The following MSH3 variants were observed in gnomAD, a reference collection of about 807,000 sequenced individuals.
MSH3 encodes mutS homolog 3, also known as DNA mismatch repair protein Msh3.
MSH3 carries 106 observed loss-of-function variants against 123.3 expected under a neutral mutation model. The observed-to-expected ratio is 0.86, with a 90% confidence interval of 0.73 to 1.01. The LOEUF (loss-of-function observed/expected upper bound fraction) is 1.01. Ranked by LOEUF, MSH3 falls within the 50% of genes least tolerant of loss-of-function variation. MSH3 has a pLI of 0.00. For synonymous variants in MSH3, 515 were observed against 481.4 expected (o/e 1.07, Z -0.91); for missense variants, 1,459 against 1,347.6 (o/e 1.08, Z -1.29).
intron 8 of MSH3, among the ~76,000 whole-genome samples, chr5:80,708,407 A>G (rs1225792602): frequency 6.6e-6 from 1 of 152,078 alleles, no homozygotes; most frequent in Non-Finnish European, 1.5e-5. Flanking sequence ...TATGCATTGA[A>G]TTATGTTGAT....
chr5:80,709,393 T>A (rs1012407726), intron 8 of MSH3, among the ~76,000 whole-genome samples: 1 of 152,110 alleles, frequency 6.6e-6, no homozygotes, highest in Non-Finnish European at 1.5e-5. Context: ...GAGGCCAAGG[T>A]GGGCGGATCA....
At chr5:80,847,075 T>C (rs1290404186) in intron 20 of MSH3, among the ~76,000 whole-genome samples, 1 of 152,118 alleles carries the variant, frequency 6.6e-6, no homozygotes, top group Non-Finnish European at 1.5e-5. Flanking sequence ...TGGATTTTTT[T>C]CTGAGACAGA....
intron 20 of MSH3, among the ~76,000 whole-genome samples, chr5:80,850,454 G>A (rs1228876604): frequency 1.3e-5 from 2 of 152,196 alleles, no homozygotes; most frequent in Non-Finnish European, 2.9e-5. Flanking sequence ...AAAGAAAGAG[G>A]TTTACTGGAC....
intron 16 of MSH3, among the ~76,000 whole-genome samples, chr5:80,778,147 A>G (rs1286498714): frequency 6.6e-6 from 1 of 152,240 alleles, no homozygotes; most frequent in African/African-American, 2.4e-5. Flanking sequence ...GATGATACTC[A>G]AGCCCAGATG....
intron 9 of MSH3, among the ~76,000 whole-genome samples, chr5:80,726,762 G>T (rs1054628433): frequency 1.1e-4 from 17 of 152,232 alleles, no homozygotes; most frequent in African/African-American, 4.1e-4. Context: ...GAGCCACTGC[G>T]CCCAGCCAAG....
intron 4 of MSH3, among the ~76,000 whole-genome samples, chr5:80,670,965 T>TA (rs1749711749): frequency 6.6e-6 from 1 of 151,616 alleles, no homozygotes; most frequent in African/African-American, 2.4e-5. Flanking sequence ...ACTAAAAATA[T>TA]TAAAAAAATT....
At chr5:80,805,981 T>C (rs1465455849) in intron 19 of MSH3, among the ~76,000 whole-genome samples, 1 of 152,224 alleles carries the variant, frequency 6.6e-6, no homozygotes, top group Non-Finnish European at 1.5e-5. Flanking sequence ...TTTTGTGCCT[T>C]AAATAGGAAA....
intron 20 of MSH3, among the ~76,000 whole-genome samples, chr5:80,817,806 T>C (rs188232687): frequency 6.6e-6 from 1 of 152,216 alleles, no homozygotes; most frequent in Admixed American, 6.5e-5. Flanking sequence ...CCTGATGTAA[T>C]AACAGATTTA....
chr5:80,857,089 C>T (rs1745932778), intron 21 of MSH3, among the ~76,000 whole-genome samples: 1 of 152,126 alleles, frequency 6.6e-6, no homozygotes, highest in Admixed American at 6.6e-5. Context: ...TCCTAGTTTA[C>T]TGAGAGTTTT....
rs376635676 is a variant in MSH3 at position 80,873,315 on chromosome 5, A to G, written c.3302+28A>G. On this transcript the variant is annotated intron_variant, in intron 23 of 23. Coordinates refer to ENST00000265081, the MANE Select transcript of MSH3 (RefSeq NM_002439.5). ...CAGAGTGATTATGCTGCATTTTTTC[A>G]TTTGTAATGAAACCTTCTAAGTTGT... is the stretch of plus-strand genomic sequence containing the variant. The G allele has an allele frequency of 1.8e-4, 290 of 1,611,676 alleles. No individual in the cohort carries two copies. Among genetic ancestry groups the G allele is most frequent in the Non-Finnish European group, 2.2e-4 (261 of 1,178,498 alleles).
intron 2 of MSH3, among the ~76,000 whole-genome samples, chr5:80,660,386 A>G (rs902089830): frequency 6.6e-6 from 1 of 152,170 alleles, no homozygotes; most frequent in Non-Finnish European, 1.5e-5. Flanking sequence ...ACTGGCTCCC[A>G]TGATTCCTCC....
intron 8 of MSH3, chr5:80,715,252 A>C (rs970567007): frequency 6.6e-6 from 1 of 152,104 alleles, no homozygotes; most frequent in Non-Finnish European, 1.5e-5. Context: ...TATACTAGGC[A>C]CTGTTCCAGG....
intron 13 of MSH3, among the ~76,000 whole-genome samples, chr5:80,765,726 G>A (rs1744110684): frequency 6.6e-6 from 1 of 152,110 alleles, no homozygotes; most frequent in Admixed American, 6.5e-5. Context: ...TACTATCTTA[G>A]ATTCCCTTTA....
At chr5:80,676,028 TTTTA>T (rs1177191625) in intron 7 of MSH3, among the ~76,000 whole-genome samples, 1 of 152,130 alleles carries the variant, frequency 6.6e-6, no homozygotes, top group Non-Finnish European at 1.5e-5. Context: ...TGAATTATAG[TTTTA>T]TTTATTTATT....
chr5:80,876,035 T>C lies in MSH3; in HGVS notation c.*173T>C. ...CTGAAGACAGTCTTTTTCAAGTTTC[T>C]GTCTTCCTAACTTTTCTACGTATAA... On this transcript the variant is annotated 3_prime_UTR_variant, in exon 24 of 24. Coordinates refer to ENST00000265081, the MANE Select transcript of MSH3 (RefSeq NM_002439.5). The C allele has an allele frequency of 1.6e-6, 1 of 609,928 alleles. No individual in the cohort carries two copies. The highest frequency in any genetic ancestry group is 2.0e-5 in the South Asian group (1 of 50,068). The allele number at this position is 609,928 out of a possible 1,614,324, so 37.8% of individuals were successfully genotyped here.
chr5:80,786,006 G>C (rs549193326), intron 17 of MSH3, among the ~76,000 whole-genome samples: 20 of 151,454 alleles, frequency 1.3e-4, no homozygotes, highest in Admixed American at 1.2e-3. Context: ...TGGGGGGAAG[G>C]GGGGAGGGAT....
In MSH3 at chr5:80,670,125, T is replaced by C. The variant is rs752398971; in HGVS notation, c.608T>C (p.Phe203Ser). The C allele has an allele frequency of 1.2e-6, 2 of 1,614,144 alleles. No individual in the cohort carries two copies. Among genetic ancestry groups the C allele is most frequent in the East Asian group, 4.5e-5 (2 of 44,856 alleles). ...ACAACACTTTTTGATCTCAGTCAGTTTGGATCATCAAATACAAGTCATGAA... is the reference window on the plus strand; with the variant it reads ...ACAACACTTTTTGATCTCAGTCAGTCTGGATCATCAAATACAAGTCATGAA... The part of the protein sequence containing the change: ...KDTTLFDLSQ[F>S]GSSNTSHENL... Residue 203 changes from phenylalanine (F) to serine (S), a missense_variant, in exon 4 of 24, where the codon TTT (phenylalanine) becomes TCT (serine). Transcript: ENST00000265081.
At chr5:80,764,550 A>G (rs1744093119) in intron 13 of MSH3, among the ~76,000 whole-genome samples, 1 of 145,574 alleles carries the variant, frequency 6.9e-6, no homozygotes, top group Admixed American at 7.0e-5. Context: ...TTTTGTAGAG[A>G]CAAGGTGTTG....
intron 10 of MSH3, among the ~76,000 whole-genome samples, chr5:80,734,713 G>A (rs998885067): frequency 3.3e-5 from 5 of 152,068 alleles, no homozygotes; most frequent in African/African-American, 9.7e-5. Context: ...GTCCCTAAAC[G>A]CCTTTGAGGA....
Sources: allele counts gnomAD v4.1 joint callset (sites outside exome capture counted in the v4.1 genomes callset), GRCh38; gene constraint gnomAD v4.1.1; transcripts MANE v1.5; gene names NCBI Gene and HGNC (gene_info 2026-07-23, HGNC 2026-07-21).